The following AHCTF1 variants were observed in gnomAD, a reference collection of about 807,000 sequenced individuals.
AHCTF1 encodes the protein AT-hook containing transcription factor 1, also known as protein ELYS.
Under a neutral mutation model 248.4 loss-of-function variants are expected in AHCTF1, and 24 were observed. The ratio of observed to expected loss-of-function variants is 0.10; its 90% CI spans 0.07 to 0.14. The LOEUF (loss-of-function observed/expected upper bound fraction) is 0.14, where lower values mean the gene tolerates loss of function less well. AHCTF1 is among the 10% of genes least tolerant of loss of function. The pLI, the probability that AHCTF1 is intolerant of heterozygous loss-of-function variation, is 1.00. For synonymous variants in AHCTF1, 786 were observed against 929.8 expected, an observed-to-expected ratio of 0.85 and a Z score of 2.81; for missense variants, 2,206 against 2,636.2, an observed-to-expected ratio of 0.84 and a Z score of 3.57.
Position 246,864,073 on chromosome 1 carries a change from A to G in AHCTF1, c.3391T>C (p.Cys1131Arg), listed in dbSNP as rs775610326. ...VVQPVPRPSQ[C>R]SEFIQQSSMK... ...GAGCTTTGCTGAATAAACTCCGAAC[A>G]CTGAGAAGGCCGGGGGACAGGCTGA... Residue 1131 changes from cysteine (C) to arginine (R), a missense_variant, in exon 27 of 36, where the codon TGT (cysteine) becomes CGT (arginine). Physicochemically the swap from Cys to Arg is radical, Grantham distance 180 (BLOSUM62 -3). Transcript: ENST00000648844. 2.5e-6 allele frequency: 4 copies of G among 1,614,182 alleles called. No individual in the cohort carries two copies. Among genetic ancestry groups the G allele is most frequent in the Non-Finnish European group, 3.4e-6 (4 of 1,180,012 alleles).
At chr1:246,877,113 A>G in intron 22 of AHCTF1, 32 bp from the exon 23 acceptor site, 6 of 1,612,160 alleles carry the variant, frequency 3.7e-6, no homozygotes, top group Non-Finnish European at 4.2e-6. Flanking sequence ...GTAAACTACC[A>G]ATTTATCTTG....
chr1:246,929,885 C>T (rs1667212224), intron 1 of AHCTF1, among the ~76,000 whole-genome samples: 1 of 152,176 alleles, frequency 6.6e-6, no homozygotes. Context: ...AACCCCGTCT[C>T]TACTAAAAAT....
At chr1:246,868,921 T>G (rs1213852292) in intron 24 of AHCTF1, among the ~76,000 whole-genome samples, 4 of 148,546 alleles carry the variant, frequency 2.7e-5, no homozygotes. Context: ...CTCGGCTCAC[T>G]GCAAGTTCTG....
chr1:246,916,600 G>C (rs966591655), intron 2 of AHCTF1, among the ~76,000 whole-genome samples: 1 of 152,120 alleles, frequency 6.6e-6, no homozygotes, highest in Non-Finnish European at 1.5e-5. Flanking sequence ...CTTGGAGTAA[G>C]CCGAGATCAT....
rs1322861722 is a variant in AHCTF1 at position 246,849,634 on chromosome 1, T to C, written c.6372A>G (p.Glu2124=). The C allele has an allele frequency of 5.1e-5, 82 of 1,609,240 alleles. No homozygotes were observed. In the East Asian group the frequency reaches 1.8e-3, roughly 35 times the overall value. ...NNEPLFSPAS[E]VPRKAKAKKI... is the part of the protein sequence containing the mutation. ...AAGTACCTTTTGCTTTCCTTGGAAC[T>C]TCTGACGCTGGAGAAAATAAAGGCT... The change falls in exon 33 of 36, where the codon GAA becomes GAG. Residue 2124 remains glutamate, a synonymous_variant. Transcript: ENST00000648844.
chr1:246,912,710 A>C (rs116023399), intron 4 of AHCTF1, among the ~76,000 whole-genome samples: 2,456 of 152,330 alleles, frequency 0.016, 48 homozygotes, highest in Non-Finnish European at 0.022. Flanking sequence ...ATTTTCTTTG[A>C]ATCTGAATAG....
intron 4 of AHCTF1, among the ~76,000 whole-genome samples, chr1:246,909,419 A>G (rs2103201601): frequency 6.7e-6 from 1 of 149,456 alleles, no homozygotes; most frequent in Admixed American, 6.7e-5. Context: ...AAAAAAAAAA[A>G]AAAATTTGCA....
rs766238300 is a variant in AHCTF1 at position 246,918,350 on chromosome 1, T to G, written c.21A>C (p.Gln7His). 1 of 1,612,176 alleles carries G rather than the reference T, an allele frequency of 6.2e-7. No individual in the cohort carries two copies. Among genetic ancestry groups the G allele is most frequent in the African/African-American group, 1.3e-5 (1 of 74,864 alleles). MRDLRA[Q>H]VTSGLLPFPE... The stretch of plus-strand genomic sequence containing the variant: ...GAAATGGCAGGAGACCACTAGTCAC[T>G]TGAGCTCTTAAGTCTCGCATACTTC... Residue 7 changes from glutamine to histidine, a missense_variant, in exon 2 of 36, where the codon CAA becomes CAC. Physicochemically the swap from Gln to His is conservative, Grantham distance 24. Transcript: ENST00000648844.
At chr1:246,879,073 CACA>C (rs759899385) in intron 21 of AHCTF1, among the ~76,000 whole-genome samples, 6 of 152,032 alleles carry the variant, frequency 3.9e-5, no homozygotes, top group Non-Finnish European at 5.9e-5. Flanking sequence ...TATTAAATCT[CACA>C]ACAAGGTTGA....
Position 246,861,148 on chromosome 1 carries a change from A to C in AHCTF1, c.3883T>G (p.Ser1295Ala), listed in dbSNP as rs575656789. The C allele has an allele frequency of 6.2e-7, 1 of 1,613,614 alleles. No individual in the cohort carries two copies. Among genetic ancestry groups the C allele is most frequent in the Non-Finnish European group, 8.5e-7 (1 of 1,180,002 alleles). The change falls in exon 29 of 36, where the codon TCA becomes GCA. Residue 1295 changes from serine (S) to alanine (A), a missense_variant. Physicochemically the swap from Ser to Ala is moderately conservative, Grantham distance 99 (BLOSUM62 1). Coordinates refer to ENST00000648844, the MANE Select transcript of AHCTF1 (RefSeq NM_001323342.2). ...EKEHQEMDEG[S>A]QSLEKLDVSK... ...ACATCCAGTTTCTCTAAACTTTGTG[A>C]CCCCTCATCCATTTCTTGATGCTCC... is the stretch of plus-strand genomic sequence containing the variant.
chr1:246,893,218 T>C (rs1286732710), intron 14 of AHCTF1, among the ~76,000 whole-genome samples: 2 of 152,214 alleles, frequency 1.3e-5, no homozygotes, highest in African/African-American at 2.4e-5. Flanking sequence ...AAACACCTGA[T>C]AGTGTTCTTA....
intron 4 of AHCTF1, among the ~76,000 whole-genome samples, chr1:246,912,953 A>T (rs865814196): frequency 2.0e-5 from 3 of 152,328 alleles, no homozygotes; most frequent in Middle Eastern, 3.4e-3. Flanking sequence ...TCAGGTATGT[A>T]AATGAAAACA....
chr1:246,895,002 G>A (rs1191875406), intron 13 of AHCTF1, among the ~76,000 whole-genome samples: 1 of 150,874 alleles, frequency 6.6e-6, no homozygotes, highest in African/African-American at 2.4e-5. Context: ...CTAAAATGCA[G>A]TCTATAAAAT....
intron 1 of AHCTF1, 32 bp downstream of exon 1, chr1:246,931,546 C>G (rs1667363561): frequency 4.0e-6 from 1 of 250,842 alleles, no homozygotes; most frequent in Non-Finnish European, 6.3e-6. Context: ...CTCCGCCGCG[C>G]GGGCCCAACC....
chr1:246,867,896 C>CCA, intron 24 of AHCTF1, 85 bp from the exon 25 acceptor site: 7 of 563,350 alleles, frequency 1.2e-5, no homozygotes, highest in South Asian at 2.4e-5. Flanking sequence ...ATTACACCCC[C>CCA]CCCCCCACAC....
rs766863851 is a variant in AHCTF1 at position 246,850,369 on chromosome 1, T to C, written c.5637A>G (p.Val1879=). 5 of 1,612,438 alleles carry C rather than the reference T, an allele frequency of 3.1e-6. No individual in the cohort carries two copies. In the South Asian group the frequency reaches 5.5e-5, roughly 18 times the overall value. The change falls in exon 33 of 36, where the codon GTA becomes GTG. Residue 1879 remains valine, a synonymous_variant. Transcript: ENST00000648844. ...TAATTTCAACACTTTCCTGATTTTC[T>C]ACAGATCTTTTAATTCTTCTAGGAG... ...KRTPRRIKRS[V]ENQESVEIIN...
chr1:246,885,909 G>C (rs1030207912), intron 20 of AHCTF1, among the ~76,000 whole-genome samples: 9 of 152,180 alleles, frequency 5.9e-5, no homozygotes, highest in African/African-American at 2.4e-5. Context: ...AAATAAGGCT[G>C]GGCACGGTGG....
At chr1:246,845,852 TA>T (rs1435339205) in intron 33 of AHCTF1, among the ~76,000 whole-genome samples, 1 of 152,094 alleles carries the variant, frequency 6.6e-6, no homozygotes, top group Non-Finnish European at 1.5e-5. Flanking sequence ...TTCTAAGGTA[TA>T]AATGTGCCTC....
intron 1 of AHCTF1, among the ~76,000 whole-genome samples, chr1:246,930,285 C>A (rs1667253809): frequency 6.6e-6 from 1 of 151,338 alleles, no homozygotes; most frequent in Non-Finnish European, 1.5e-5. Context: ...AGTAGGCGCG[C>A]GACTAGAGGC....
Sources: gnomAD v4.1 joint callset for allele counts (sites outside exome capture counted in the v4.1 genomes callset) on GRCh38, gnomAD v4.1.1 for gene constraint, MANE v1.5 for transcripts, NCBI Gene and HGNC (gene_info 2026-07-23, HGNC 2026-07-21) for gene names.